STX7: variants seen among roughly 807,000 people sequenced by gnomAD.
The protein encoded by STX7 is syntaxin-7.
Under a neutral mutation model 39.6 loss-of-function variants are expected in STX7, and 34 were observed. The ratio of observed to expected loss-of-function variants is 0.86; its 90% CI spans 0.65 to 1.14. STX7 has a LOEUF of 1.14. STX7 is among the 50% of genes most tolerant of loss of function. The probability of loss-of-function intolerance (pLI) is 0.00; values close to 1 mark genes in which losing one functional copy is unlikely to be tolerated. For missense variants in STX7, 284 were observed against 310.4 expected, an observed-to-expected ratio of 0.92 and a Z score of 0.64; for synonymous variants, 119 against 99.1, an observed-to-expected ratio of 1.20 and a Z score of -1.19.
intron 2 of STX7, among the ~76,000 whole-genome samples, chr6:132,501,543 G>A (rs114374754): frequency 0.011 from 1,707 of 152,200 alleles, 35 homozygotes; most frequent in African/African-American, 0.038. Flanking sequence ...AGGGAACATG[G>A]CCTGATTTAA....
rs529689550 is a variant in STX7 at position 132,499,965 on chromosome 6, G to A, written c.85+3481C>T. Among the ~76,000 whole-genome samples, 18 of 152,136 alleles carry A rather than the reference G, an allele frequency of 1.2e-4. No homozygotes were observed. In the South Asian group the frequency reaches 3.7e-3, roughly 32 times the overall value. On this transcript the variant is annotated intron_variant, in intron 2 of 9. Transcript: ENST00000367941. The stretch of plus-strand genomic sequence containing the variant: ...TCGGTTGCTCAATGCAAAAACTATG[G>A]AGTCATCTTTAACTCCTTCCTTCCT...
At chr6:132,494,532 A>G (rs1242974781) in intron 2 of STX7, among the ~76,000 whole-genome samples, 1 of 152,212 alleles carries the variant, frequency 6.6e-6, no homozygotes, top group Non-Finnish European at 1.5e-5. Context: ...TAAGACCTGA[A>G]TGCCAGAAAG....
chr6:132,450,946 C>T lies in STX7; in HGVS notation c.*9812G>A, dbSNP rs1174100153. On this transcript the variant is annotated 3_prime_UTR_variant, in exon 10 of 10. Coordinates refer to ENST00000367941, the MANE Select transcript of STX7 (RefSeq NM_003569.3). Reference sequence around the variant, plus strand: ...GTGAGAAGACCTCAAATATAATAAACCCCCCAAATCTACAAGATACATCAT... The same window carrying T: ...GTGAGAAGACCTCAAATATAATAAATCCCCCAAATCTACAAGATACATCAT... 1 of 151,502 alleles carries T rather than the reference C, an allele frequency of 6.6e-6. No homozygotes were observed. Among genetic ancestry groups the T allele is most frequent in the African/African-American group, 2.4e-5 (1 of 41,232 alleles). The allele number at this position is 151,502 out of a possible 1,614,324, so 9.4% of individuals were successfully genotyped here. A position where few individuals can be genotyped will look rare whatever the true frequency, so the allele number is the denominator to read the frequency against.
At chr6:132,467,854 T>G (rs1345620629) in intron 8 of STX7, among the ~76,000 whole-genome samples, 1 of 152,186 alleles carries the variant, frequency 6.6e-6, no homozygotes, top group African/African-American at 2.4e-5. Flanking sequence ...GCTATTACAT[T>G]CAATACTTAA....
intron 2 of STX7, among the ~76,000 whole-genome samples, chr6:132,481,366 G>A (rs998974756): frequency 6.6e-6 from 1 of 152,136 alleles, no homozygotes; most frequent in East Asian, 1.9e-4. Context: ...CAACAAAACT[G>A]TTTTAAGATT....
chr6:132,464,601 T>C (rs1172532324), intron 8 of STX7, among the ~76,000 whole-genome samples: 3 of 152,194 alleles, frequency 2.0e-5, no homozygotes, highest in Middle Eastern at 3.2e-3. Flanking sequence ...AATCATTATG[T>C]TAGTCATTAA....
intron 1 of STX7, among the ~76,000 whole-genome samples, chr6:132,505,386 G>A (rs1301677701): frequency 6.6e-6 from 1 of 152,170 alleles, no homozygotes; most frequent in African/African-American, 2.4e-5. Flanking sequence ...GAACAGTACT[G>A]GTTCTATGCC....
intron 1 of STX7, among the ~76,000 whole-genome samples, chr6:132,511,504 T>C (rs1775846400): frequency 6.6e-6 from 1 of 152,232 alleles, no homozygotes; most frequent in South Asian, 2.1e-4. Flanking sequence ...TATTTATCCC[T>C]ACACCTCTGG....
intron 1 of STX7, among the ~76,000 whole-genome samples, chr6:132,508,544 AG>A (rs1775764083): frequency 1.3e-5 from 2 of 152,176 alleles, no homozygotes; most frequent in South Asian, 4.1e-4. Flanking sequence ...TGTTTGAGAC[AG>A]GAGCACCCAG....
intron 2 of STX7, among the ~76,000 whole-genome samples, chr6:132,499,855 A>G (rs79207280): frequency 0.013 from 1,966 of 152,294 alleles, 46 homozygotes; most frequent in African/African-American, 0.045. Context: ...GATATCTCAA[A>G]ATATACTTAG....
chr6:132,503,365 A>G (rs758729161), intron 2 of STX7, 81 bp downstream of exon 2: 25 of 1,186,892 alleles, frequency 2.1e-5, no homozygotes, highest in African/African-American at 3.0e-5. Flanking sequence ...CTCAATCAGC[A>G]GAGTTGTCCT....
chr6:132,467,837 T>C (rs1046054682), intron 8 of STX7, among the ~76,000 whole-genome samples: 19 of 152,218 alleles, frequency 1.2e-4, no homozygotes, highest in African/African-American at 4.6e-4. Flanking sequence ...TACACCCTAA[T>C]TGAAATGCTA....
chr6:132,508,124 A>G (rs1775753637), intron 1 of STX7, among the ~76,000 whole-genome samples: 1 of 152,222 alleles, frequency 6.6e-6, no homozygotes, highest in South Asian at 2.1e-4. Flanking sequence ...GAAAGTTATG[A>G]TCTGTTCTTG....
In STX7 at chr6:132,456,171, A is replaced by G. The variant is rs968781018; in HGVS notation, c.*4587T>C. On this transcript the variant is annotated 3_prime_UTR_variant, in exon 10 of 10. Transcript: ENST00000367941. ...TTTTTGGAGCCATTACACACAGATC[A>G]TCACTCAAATCAGTAGTTTCTCTTT... The G allele has an allele frequency of 2.6e-5, 4 of 152,172 alleles. No homozygotes were observed. The highest frequency in any genetic ancestry group is 9.7e-5 in the African/African-American group (4 of 41,442). The allele number at this position is 152,172 out of a possible 1,614,324, so 9.4% of individuals were successfully genotyped here.
intron 1 of STX7, among the ~76,000 whole-genome samples, chr6:132,505,648 A>G (rs993867221): frequency 1.8e-4 from 28 of 151,748 alleles, no homozygotes; most frequent in African/African-American, 6.5e-4. Flanking sequence ...GGGCCCAGAC[A>G]GAACAAGAGT....
Position 132,446,528 on chromosome 6 carries a change from T to A in STX7, c.*14230A>T, listed in dbSNP as rs1774015574. The stretch of plus-strand genomic sequence containing the variant: ...AGTGTGGAAGCTATCAACTATCGCA[T>A]TGTCCCCAATGTCAGAATGTGCTGA... On this transcript the variant is annotated 3_prime_UTR_variant, in exon 10 of 10. Coordinates refer to ENST00000367941, the MANE Select transcript of STX7 (RefSeq NM_003569.3). 1 of 152,172 alleles carries A rather than the reference T, an allele frequency of 6.6e-6. No homozygotes were observed. Among genetic ancestry groups the A allele is most frequent in the Non-Finnish European group, 1.5e-5 (1 of 68,034 alleles). The allele number at this position is 152,172 out of a possible 1,614,324, so 9.4% of individuals were successfully genotyped here. A position where few individuals can be genotyped will look rare whatever the true frequency, so the allele number is the denominator to read the frequency against.
intron 3 of STX7, among the ~76,000 whole-genome samples, chr6:132,475,125 AT>A (rs200801252): frequency 0.044 from 6,307 of 144,162 alleles, 176 homozygotes; most frequent in East Asian, 0.16. Flanking sequence ...CTATCAAGGA[AT>A]TTTTTTTTTT....
chr6:132,507,925 T>G (rs886962669), intron 1 of STX7, among the ~76,000 whole-genome samples: 7 of 152,264 alleles, frequency 4.6e-5, no homozygotes, highest in Admixed American at 4.6e-4. Context: ...GCTCGTACCC[T>G]TGGCTTTCTC....
chr6:132,460,903 G>T, intron 9 of STX7, 53 bp from the exon 10 acceptor site: 2 of 1,470,588 alleles, frequency 1.4e-6, no homozygotes, highest in Non-Finnish European at 9.4e-7. Context: ...CAGATTTAGT[G>T]GAGTACCTCT....
Sources: allele counts gnomAD v4.1 joint callset (sites outside exome capture counted in the v4.1 genomes callset), GRCh38; gene constraint gnomAD v4.1.1; transcripts MANE v1.5; gene names NCBI Gene and HGNC (gene_info 2026-07-23, HGNC 2026-07-21).